The following TSGA10 variants were observed in gnomAD, a reference collection of about 807,000 sequenced individuals.
TSGA10 encodes the protein testis specific 10.
A neutral mutation model predicts 96.6 loss-of-function variants in TSGA10; 43 were observed. The observed-to-expected ratio is 0.44, with a 90% confidence interval of 0.35 to 0.57. The LOEUF (loss-of-function observed/expected upper bound fraction) is 0.57, where lower values mean the gene tolerates loss of function less well. Among genes scored for constraint, TSGA10 ranks in the 20% least tolerant of loss-of-function variants. TSGA10 has a pLI of 0.01. For missense variants in TSGA10, 703 were observed against 834.4 expected, an observed-to-expected ratio of 0.84 and a Z score of 1.94; for synonymous variants, 229 against 269.9, an observed-to-expected ratio of 0.85 and a Z score of 1.48.
chr2:99,015,803 T>C (rs574908731), intron 20 of TSGA10, among the ~76,000 whole-genome samples: 5 of 152,286 alleles, frequency 3.3e-5, no homozygotes, highest in African/African-American at 1.2e-4. Context: ...AGTTTCAGGA[T>C]ACAAAATTAA....
chr2:99,015,228 G>T (rs1215475661), intron 20 of TSGA10, among the ~76,000 whole-genome samples: 1 of 152,170 alleles, frequency 6.6e-6, no homozygotes, highest in African/African-American at 2.4e-5. Flanking sequence ...GAACATAGAT[G>T]CAGAAGTCCT....
At chr2:99,091,665 GACAA>G (rs2089364523) in intron 10 of TSGA10, among the ~76,000 whole-genome samples, 1 of 152,050 alleles carries the variant, frequency 6.6e-6, no homozygotes, top group Non-Finnish European at 1.5e-5. Flanking sequence ...TCTTATATCA[GACAA>G]ACAAATTTGA....
intron 16 of TSGA10, among the ~76,000 whole-genome samples, chr2:99,035,867 C>A (rs1417198106): frequency 6.6e-6 from 1 of 152,018 alleles, no homozygotes; most frequent in African/African-American, 2.4e-5. Flanking sequence ...TTTTTGAATT[C>A]TTGACTGGCA....
intron 16 of TSGA10, among the ~76,000 whole-genome samples, chr2:99,050,122 C>G (rs984519452): frequency 5.3e-5 from 8 of 152,032 alleles, no homozygotes; most frequent in Admixed American, 1.3e-4. Flanking sequence ...GAGACAAACT[C>G]AAAGCCAAAG....
chr2:99,011,994 G>A (rs184524151), intron 20 of TSGA10, among the ~76,000 whole-genome samples: 1 of 152,250 alleles, frequency 6.6e-6, no homozygotes, highest in East Asian at 1.9e-4. Context: ...AGATTTCTCA[G>A]CAGAAACCCT....
rs113389105 is a variant in TSGA10 at position 99,052,267 on chromosome 2, A to G, written c.1404+12672T>C. On this transcript the variant is annotated intron_variant, in intron 16 of 20. Coordinates refer to ENST00000393483, the MANE Select transcript of TSGA10 (RefSeq NM_025244.4). ...TAAGAAAAAAAGAAGTCTCAAATAT[A>G]CAATTATAAATGAAAGAAGAGACAC... Among the ~76,000 whole-genome samples, 1,025 of 152,150 alleles carry G rather than the reference A, an allele frequency of 6.7e-3. 14 individuals carry two copies. The highest frequency in any genetic ancestry group is 0.024 in the African/African-American group (990 of 41,562).
intron 12 of TSGA10, among the ~76,000 whole-genome samples, chr2:99,075,020 A>G (rs2086525508): frequency 6.6e-6 from 1 of 152,146 alleles, no homozygotes; most frequent in Non-Finnish European, 1.5e-5. Context: ...AAAGGGCTTC[A>G]CTTTATCAAT....
intron 10 of TSGA10, among the ~76,000 whole-genome samples, chr2:99,100,095 T>C (rs2090520403): frequency 6.6e-6 from 1 of 152,164 alleles, no homozygotes; most frequent in African/African-American, 2.4e-5. Context: ...TAAAAATAAA[T>C]GATTTAAAAA....
chr2:99,116,440 A>T (rs1434599173), intron 4 of TSGA10, among the ~76,000 whole-genome samples: 2 of 152,114 alleles, frequency 1.3e-5, no homozygotes, highest in African/African-American at 4.8e-5. Flanking sequence ...AAGGCAAATG[A>T]ATCAATGAAA....
chr2:99,134,079 G>C (rs868259379), intron 1 of TSGA10, among the ~76,000 whole-genome samples: 2 of 152,202 alleles, frequency 1.3e-5, no homozygotes, highest in Middle Eastern at 3.4e-3. Context: ...TGCTCTTCTC[G>C]AGGAGTATCT....
chr2:98,998,602 A>G (rs2077633915), intron 20 of TSGA10, among the ~76,000 whole-genome samples: 1 of 152,196 alleles, frequency 6.6e-6, no homozygotes, highest in Non-Finnish European at 1.5e-5. Context: ...ACAACTATAA[A>G]TAGGCATAAT....
At chr2:99,084,199 G>C (rs2087945044) in intron 10 of TSGA10, among the ~76,000 whole-genome samples, 1 of 152,154 alleles carries the variant, frequency 6.6e-6, no homozygotes, top group Non-Finnish European at 1.5e-5. Context: ...CTCCTCATTT[G>C]ATTCTAATAT....
At chr2:99,139,367 G>A (rs1210007049) in intron 1 of TSGA10, among the ~76,000 whole-genome samples, 4 of 152,064 alleles carry the variant, frequency 2.6e-5, no homozygotes, top group African/African-American at 9.7e-5. Context: ...AAGTATCATC[G>A]GTGTTGAGCA....
At chr2:99,012,688 C>T (rs571579530) in intron 20 of TSGA10, among the ~76,000 whole-genome samples, 1 of 152,116 alleles carries the variant, frequency 6.6e-6, no homozygotes, top group Non-Finnish European at 1.5e-5. Context: ...AAAACAATGA[C>T]TATTAGACCC....
intron 16 of TSGA10, among the ~76,000 whole-genome samples, chr2:99,040,228 T>A (rs1221487914): frequency 6.6e-6 from 1 of 152,172 alleles, no homozygotes; most frequent in South Asian, 2.1e-4. Flanking sequence ...ATGCCCACTT[T>A]CACTACTTCT....
chr2:99,117,918 T>C (rs776021384), intron 3 of TSGA10, among the ~76,000 whole-genome samples, 159 bp from the exon 4 acceptor site: 13 of 152,320 alleles, frequency 8.5e-5, no homozygotes, highest in Non-Finnish European at 1.2e-4. Context: ...CATGTGAATG[T>C]ATTACCTATT....
intron 16 of TSGA10, among the ~76,000 whole-genome samples, chr2:99,060,079 G>A (rs566865100): frequency 6.6e-6 from 1 of 152,148 alleles, no homozygotes; most frequent in South Asian, 2.1e-4. Flanking sequence ...AGAAGAAAAA[G>A]GCGTTCTGAG....
chr2:99,059,892 C>T (rs1334601627), intron 16 of TSGA10, among the ~76,000 whole-genome samples: 9 of 138,694 alleles, frequency 6.5e-5, no homozygotes, highest in Middle Eastern at 3.9e-3. Flanking sequence ...CCAGCCTGGG[C>T]GACAGAGCGA....
At chr2:99,128,846 C>T (rs933827551) in intron 1 of TSGA10, among the ~76,000 whole-genome samples, 9 of 152,124 alleles carry the variant, frequency 5.9e-5, no homozygotes, top group Non-Finnish European at 1.2e-4. Flanking sequence ...ACCCCAGGCC[C>T]AAGCAATCTT....
Sources: allele counts gnomAD v4.1 joint callset (sites outside exome capture counted in the v4.1 genomes callset), GRCh38; gene constraint gnomAD v4.1.1; transcripts MANE v1.5; gene names NCBI Gene and HGNC (gene_info 2026-07-23, HGNC 2026-07-21).